The following DAB1 variants were observed in gnomAD, a reference collection of about 807,000 sequenced individuals.
DAB1 encodes DAB adaptor protein 1, also known as disabled homolog 1.
DAB1 carries 15 observed loss-of-function variants against 64.6 expected under a neutral mutation model. That is an observed-to-expected ratio of 0.23 (90% confidence interval 0.16 to 0.36). The LOEUF is 0.36. Ranked by LOEUF, DAB1 falls within the 10% of genes least tolerant of loss-of-function variation. The pLI is 1.00. For synonymous variants in DAB1, 235 were observed against 251.9 expected (o/e 0.93, Z 0.64); for missense variants, 596 against 706.7 (o/e 0.84, Z 1.78).
At position 57,070,083 on chromosome 1, in the gene DAB1, G is replaced by T. The variant is rs115815540; in HGVS notation, c.598-658C>A. Among the ~76,000 whole-genome samples the T allele has an allele frequency of 2.3e-3, 349 of 152,244 alleles. 2 individuals carry two copies. Among genetic ancestry groups the T allele is most frequent in the African/African-American group, 6.9e-3 (287 of 41,546 alleles). ...TTCTAAAGCAAGAGCACGTCATTAC[G>T]TGCATCTTTGGCTTTTGTTTGCCGT... On this transcript the variant is annotated intron_variant, in intron 7 of 14. Transcript: ENST00000371236.
At chr1:58,515,841 T>C (rs371945674) in intron 2 of DAB1, among the ~76,000 whole-genome samples, 1 of 152,210 alleles carries the variant, frequency 6.6e-6, no homozygotes, top group African/African-American at 2.4e-5. Flanking sequence ...ATCTGTAAAA[T>C]GAGAAGGTAG....
intron 4 of DAB1, among the ~76,000 whole-genome samples, chr1:58,161,049 C>T (rs1478128609): frequency 6.6e-6 from 1 of 151,330 alleles, no homozygotes; most frequent in Non-Finnish European, 1.5e-5. Flanking sequence ...CATTGCCCAT[C>T]TAGAAAAGAT....
chr1:57,081,057 CAT>C (rs1221306517), intron 4 of DAB1, among the ~76,000 whole-genome samples: 2 of 152,146 alleles, frequency 1.3e-5, no homozygotes, highest in African/African-American at 4.8e-5. Context: ...TTTTACTAAA[CAT>C]ATAGTTTGTA....
intron 6 of DAB1, among the ~76,000 whole-genome samples, chr1:57,650,500 T>C (rs1646244067): frequency 6.6e-6 from 1 of 152,194 alleles, no homozygotes; most frequent in African/African-American, 2.4e-5. Flanking sequence ...AAGAATAATA[T>C]GTAAATATAA....
intron 5 of DAB1, among the ~76,000 whole-genome samples, chr1:58,078,958 G>C (rs1233719979): frequency 2.0e-5 from 3 of 152,166 alleles, no homozygotes; most frequent in South Asian, 2.1e-4. Flanking sequence ...ATTGTTACTG[G>C]CCAAGGCCAT....
At chr1:58,542,483 T>C (rs1479963414) in intron 1 of DAB1, 9 of 152,174 alleles carry the variant, frequency 5.9e-5, no homozygotes, top group Non-Finnish European at 2.9e-5. Flanking sequence ...TACTACATAC[T>C]GTATGCATTC....
intron 4 of DAB1, among the ~76,000 whole-genome samples, chr1:58,313,017 T>G (rs577014733): frequency 1.3e-5 from 2 of 152,290 alleles, no homozygotes; most frequent in East Asian, 3.9e-4. Context: ...ATTTTAACCC[T>G]TGGGGCCTAT....
intron 5 of DAB1, among the ~76,000 whole-genome samples, chr1:57,912,428 T>A (rs1297252841): frequency 6.6e-6 from 1 of 152,182 alleles, no homozygotes; most frequent in African/African-American, 2.4e-5. Context: ...AATTAGGTAT[T>A]GATGGGATGC....
intron 7 of DAB1, among the ~76,000 whole-genome samples, chr1:57,459,364 T>C (rs1686705616): frequency 6.6e-6 from 1 of 152,202 alleles, no homozygotes; most frequent in South Asian, 2.1e-4. Context: ...TATTAGATGT[T>C]TGCAGTTTGT....
At chr1:57,011,666 C>T (rs935524393) in intron 12 of DAB1, among the ~76,000 whole-genome samples, 10 of 152,176 alleles carry the variant, frequency 6.6e-5, no homozygotes, top group African/African-American at 2.4e-4. Context: ...AACTACTGGG[C>T]TATGGTTTGC....
chr1:58,345,555 A>G (rs1643986905), intron 3 of DAB1, among the ~76,000 whole-genome samples: 1 of 152,138 alleles, frequency 6.6e-6, no homozygotes, highest in Admixed American at 6.5e-5. Context: ...TCTGGCTCTA[A>G]TGGGGGCTGT....
At chr1:57,144,470 C>T (rs6690124) in intron 3 of DAB1, among the ~76,000 whole-genome samples, 4,540 of 151,978 alleles carry the variant, frequency 0.03, 218 homozygotes, top group African/African-American at 0.1. Flanking sequence ...CCGAGGCGGA[C>T]GGATCATGAG....
At chr1:57,758,142 A>G (rs1270023829) in intron 6 of DAB1, among the ~76,000 whole-genome samples, 1 of 152,212 alleles carries the variant, frequency 6.6e-6, no homozygotes, top group Non-Finnish European at 1.5e-5. Flanking sequence ...GAATAACAAA[A>G]GTAAAGGGTC....
intron 4 of DAB1, among the ~76,000 whole-genome samples, chr1:58,254,152 G>A (rs549081392): frequency 2.6e-4 from 39 of 152,226 alleles, no homozygotes; most frequent in Admixed American, 2.1e-3. Flanking sequence ...ATAAGATATT[G>A]ACTCAGATCC....
intron 2 of DAB1, among the ~76,000 whole-genome samples, chr1:57,211,970 C>T (rs1165852692): frequency 6.6e-6 from 1 of 152,110 alleles, no homozygotes; most frequent in African/African-American, 2.4e-5. Flanking sequence ...AACCAATCCC[C>T]CAAAGATACT....
chr1:58,293,682 T>C (rs1380380614), intron 4 of DAB1, among the ~76,000 whole-genome samples: 1 of 152,150 alleles, frequency 6.6e-6, no homozygotes, highest in Admixed American at 6.5e-5. Flanking sequence ...CTGTGTCTGG[T>C]GCCCAAGAGG....
In DAB1 at chr1:57,726,240, T is replaced by C. The variant is rs1557445193; in HGVS notation, n.552-76575A>G. On this transcript the variant is annotated intron_variant and non_coding_transcript_variant, in intron 6 of 20. Coordinates refer to the DAB1 transcript ENST00000485760. ...GGTGGAAGGGATGCACAAAGCAGAA[T>C]AGTGGCATAAGGAAACAAGTCATCA... Among the ~76,000 whole-genome samples the C allele has an allele frequency of 2.6e-5, 4 of 152,180 alleles. No homozygotes were observed. The South Asian group carries it at 8.3e-4, about 32-fold the overall frequency.
At chr1:57,528,248 G>A (rs539297462) in intron 7 of DAB1, among the ~76,000 whole-genome samples, 2 of 152,178 alleles carry the variant, frequency 1.3e-5, no homozygotes, top group Admixed American at 6.5e-5. Context: ...AAAATTATTG[G>A]ATGGGATTAA....
At chr1:57,431,839 C>A (rs1685529173) in intron 7 of DAB1, among the ~76,000 whole-genome samples, 2 of 152,212 alleles carry the variant, frequency 1.3e-5, no homozygotes, top group Admixed American at 1.3e-4. Context: ...TAAAAAATGG[C>A]TGGGCCGGGC....
Sources: gnomAD v4.1 joint callset for allele counts (sites outside exome capture counted in the v4.1 genomes callset) on GRCh38, gnomAD v4.1.1 for gene constraint, MANE v1.5 for transcripts, NCBI Gene and HGNC (gene_info 2026-07-23, HGNC 2026-07-21) for gene names.